TSHZ3: variants seen among roughly 807,000 people sequenced by gnomAD.
TSHZ3 encodes teashirt zinc finger homeobox 3, also known as teashirt homolog 3.
A neutral mutation model predicts 64.5 loss-of-function variants in TSHZ3; 10 were observed. That is an observed-to-expected ratio of 0.16 (90% CI 0.10 to 0.26). The LOEUF is 0.26. Among genes scored for constraint, TSHZ3 ranks in the 10% least tolerant of loss-of-function variants. TSHZ3 has a pLI of 1.00. For missense variants in TSHZ3, 1,242 were observed against 1,421.7 expected (o/e 0.87, Z 2.03); for synonymous variants, 608 against 593.1 (o/e 1.03, Z -0.36).
chr19:31,180,286 G>A (rs373415033), intron 5 of TSHZ3, among the ~76,000 whole-genome samples: 61 of 152,278 alleles, frequency 4.0e-4, no homozygotes, highest in African/African-American at 1.4e-3. Context: ...GTGACTTCCA[G>A]TCCTAGATAG....
chr19:31,173,572 G>C (rs1974565796), intron 5 of TSHZ3, among the ~76,000 whole-genome samples: 1 of 152,142 alleles, frequency 6.6e-6, no homozygotes. Context: ...ACTTCTGTCT[G>C]TTTCTTGAAA....
At chr19:31,298,401 A>T (rs1227726658) in intron 1 of TSHZ3, among the ~76,000 whole-genome samples, 2 of 152,164 alleles carry the variant, frequency 1.3e-5, no homozygotes, top group East Asian at 3.9e-4. Flanking sequence ...CTTTGAATTA[A>T]ATCAAACTTT....
chr19:31,244,719 T>C (rs1975738269), intron 1 of TSHZ3, among the ~76,000 whole-genome samples: 1 of 152,108 alleles, frequency 6.6e-6, no homozygotes, highest in Non-Finnish European at 1.5e-5. Flanking sequence ...TCTCAGCTCA[T>C]TGCTGCCTCG....
At position 31,276,622 on chromosome 19, in the gene TSHZ3, T is replaced by C. The variant is rs1398799580; in HGVS notation, c.3171A>G (p.Lys1057=). ...NRTFASKHAV[K]LHLSKTHGKS... ...TCCCGTGTGTTTTGCTAAGGTGAAG[T>C]TTAACAGCGTGCTTGCTGGCAAAGG... The change falls in exon 2 of 2, where the codon AAA becomes AAG. Residue 1057 remains lysine, a synonymous_variant. Coordinates refer to ENST00000240587, the MANE Select transcript of TSHZ3 (RefSeq NM_020856.4). 3 of 1,609,798 alleles carry C rather than the reference T, an allele frequency of 1.9e-6. No individual in the cohort carries two copies. In the Admixed American group the frequency reaches 5.0e-5, roughly 27 times the overall value.
At chr19:31,348,622 C>T (rs1196511310) in intron 1 of TSHZ3, among the ~76,000 whole-genome samples, 2 of 152,208 alleles carry the variant, frequency 1.3e-5, no homozygotes, top group Admixed American at 6.5e-5. Context: ...CTAACATGGA[C>T]TTGACAGTCA....
At chr19:31,231,923 C>T (rs1238239415) in intron 3 of TSHZ3, among the ~76,000 whole-genome samples, 1 of 152,104 alleles carries the variant, frequency 6.6e-6, no homozygotes. Flanking sequence ...TCTTTAATTC[C>T]AGACCCTGAT....
chr19:31,278,020 C>G lies in TSHZ3; in HGVS notation c.1773G>C (p.Leu591=). The G allele has an allele frequency of 6.2e-7, 1 of 1,613,690 alleles. No individual in the cohort carries two copies. ...EIVSPTKNQT[L]VSPPSSQTSP... Reference sequence around the variant, plus strand: ...ACGTCTGGCTGCTGGGTGGAGAGACCAGGGTCTGGTTTTTCGTCGGGGAGA... The same window carrying G: ...ACGTCTGGCTGCTGGGTGGAGAGACGAGGGTCTGGTTTTTCGTCGGGGAGA... The change falls in exon 2 of 2, where the codon CTG becomes CTC. Residue 591 remains leucine (L), a synonymous_variant. Coordinates refer to ENST00000240587, the MANE Select transcript of TSHZ3 (RefSeq NM_020856.4). This position sits in a 1 kb window ranked among gnomAD's most constrained non-coding sequence, Gnocchi z 4.7.
At chr19:31,301,592 G>A (rs747159269) in intron 1 of TSHZ3, among the ~76,000 whole-genome samples, 41 of 152,134 alleles carry the variant, frequency 2.7e-4, no homozygotes, top group Non-Finnish European at 5.6e-4. Flanking sequence ...GCTGGGCATC[G>A]TCATAGAGCA....
Position 31,161,083 on chromosome 19 carries a change from G to A in TSHZ3, n.810-4666C>T, listed in dbSNP as rs139908043. On this transcript the variant is annotated intron_variant and non_coding_transcript_variant, in intron 5 of 6. Transcript: ENST00000651361. ...CATTCATTTATATATCTTTGCGTGC[G>A]TGTGTATGTGTGTGTGTATCTCACA... Among the ~76,000 whole-genome samples, 444 of 152,178 alleles carry A rather than the reference G, an allele frequency of 2.9e-3. 5 individuals carry two copies. The highest frequency in any genetic ancestry group is 0.01 in the African/African-American group (421 of 41,516).
chr19:31,181,633 C>A (rs1460070337), intron 5 of TSHZ3, among the ~76,000 whole-genome samples: 2 of 152,224 alleles, frequency 1.3e-5, no homozygotes, highest in East Asian at 3.9e-4. Flanking sequence ...CCCTCCAGAC[C>A]CACACCAGCA....
upstream of TSHZ3, among the ~76,000 whole-genome samples, chr19:31,350,376 C>T (rs1568390765): frequency 6.6e-6 from 1 of 151,684 alleles, no homozygotes; most frequent in South Asian, 2.1e-4. Flanking sequence ...TTCAAGTTTC[C>T]TCTCCTGACT....
intron 5 of TSHZ3, among the ~76,000 whole-genome samples, chr19:31,169,571 A>G (rs1322689702): frequency 1.3e-5 from 2 of 152,148 alleles, no homozygotes; most frequent in African/African-American, 4.8e-5. Context: ...ATATGAATGC[A>G]CTTAATACCA....
At chr19:31,322,581 C>G (rs1416564803) in intron 1 of TSHZ3, among the ~76,000 whole-genome samples, 1 of 152,066 alleles carries the variant, frequency 6.6e-6, no homozygotes, top group Non-Finnish European at 1.5e-5. Flanking sequence ...CTACCATGCC[C>G]AGCTAACTTT....
intron 1 of TSHZ3, among the ~76,000 whole-genome samples, chr19:31,256,327 C>T (rs944910406): frequency 3.3e-5 from 5 of 152,134 alleles, no homozygotes; most frequent in African/African-American, 7.2e-5. Flanking sequence ...ACATGCCTGC[C>T]GCCCAGCCCC....
rs967416318 is a variant in TSHZ3, at chr19:31,176,787, TA to T, written n.810-20371del. Among the ~76,000 whole-genome samples the T allele has an allele frequency of 2.6e-5, 4 of 151,760 alleles. No individual in the cohort carries two copies. In the South Asian group the frequency reaches 8.3e-4, roughly 32 times the overall value. ...CCTGGGTGACAGAGACTCTGTCTCTTAAAAAAAGGAAATACTGAAAAACAAC... is the reference window on the plus strand; with the variant it reads ...CCTGGGTGACAGAGACTCTGTCTCTTAAAAAAGGAAATACTGAAAAACAAC... On this transcript the variant is annotated intron_variant and non_coding_transcript_variant, in intron 5 of 6. Transcript: ENST00000651361.
rs114651414 is a variant in TSHZ3 at position 31,157,055 on chromosome 19, G to A, written n.810-638C>T. 3.7e-3 allele frequency among the ~76,000 whole-genome samples: 566 copies of A among 152,266 alleles called. 3 individuals are homozygous for A. The highest frequency in any genetic ancestry group is 0.011 in the African/African-American group (472 of 41,550). ...ATACAACCATTCCAGAGAGCAATGA[G>A]GCCCTAGGTACAGAATTGAACATAT... On this transcript the variant is annotated intron_variant and non_coding_transcript_variant, in intron 5 of 6. Coordinates refer to the TSHZ3 transcript ENST00000651361.
At chr19:31,153,487 G>A (rs1203853399) in intron 6 of TSHZ3, among the ~76,000 whole-genome samples, 1 of 152,228 alleles carries the variant, frequency 6.6e-6, no homozygotes. Flanking sequence ...AGATGGTGAT[G>A]TCTGATTGGT....
At chr19:31,199,909 A>G (rs1314497876) in intron 5 of TSHZ3, among the ~76,000 whole-genome samples, 1 of 150,282 alleles carries the variant, frequency 6.7e-6, no homozygotes, top group Admixed American at 6.7e-5. Context: ...TGCGCCAAAG[A>G]CCTTAACAGA....
At chr19:31,150,212 G>A (rs1668585497) in exon 7 of TSHZ3, among the ~76,000 whole-genome samples, 1 of 152,202 alleles carries the variant, frequency 6.6e-6, no homozygotes, top group African/African-American at 2.4e-5. Context: ...AGGAGAATCT[G>A]CTGACTGCCT....
Sources: allele counts gnomAD v4.1 joint callset (sites outside exome capture counted in the v4.1 genomes callset), GRCh38; gene constraint gnomAD v4.1.1; non-coding constraint Gnocchi (gnomAD v3.1); transcripts MANE v1.5; gene names NCBI Gene and HGNC (gene_info 2026-07-23, HGNC 2026-07-21).